The following HDAC9 variants were observed in gnomAD, a reference collection of about 807,000 sequenced individuals.
The protein encoded by HDAC9 is histone deacetylase 9.
HDAC9 carries 41 observed loss-of-function variants against 139.4 expected under a neutral mutation model. The ratio of observed to expected loss-of-function variants is 0.29; its 90% CI spans 0.23 to 0.38. The LOEUF (loss-of-function observed/expected upper bound fraction) is 0.38. HDAC9 is among the 10% of genes least tolerant of loss of function. HDAC9 has a pLI of 1.00. For synonymous variants in HDAC9, 517 were observed against 476.2 expected (o/e 1.09, Z -1.12); for missense variants, 1,147 against 1,297.0 (o/e 0.88, Z 1.78).
intron 25 of HDAC9, among the ~76,000 whole-genome samples, chr7:18,989,548 T>C (rs1480860827): frequency 2.4e-4 from 36 of 150,270 alleles, no homozygotes; most frequent in Admixed American, 5.3e-4. Flanking sequence ...TTGCTCTTCT[T>C]GAGGAGTATC....
intron 13 of HDAC9, among the ~76,000 whole-genome samples, chr7:18,739,177 GT>G (rs1323361743): frequency 2.6e-5 from 4 of 152,092 alleles, no homozygotes; most frequent in Admixed American, 2.6e-4. Context: ...TTTTTTCAAG[GT>G]TTTTAGCTTC....
At chr7:18,442,221 G>A (rs770451117) in intron 1 of HDAC9, among the ~76,000 whole-genome samples, 2 of 152,112 alleles carry the variant, frequency 1.3e-5, no homozygotes. Context: ...CATATTTACA[G>A]GATTTCTTTC....
At chr7:18,492,637 C>A (rs187288144), upstream of HDAC9, among the ~76,000 whole-genome samples, 2 of 151,868 alleles carry the variant, frequency 1.3e-5, no homozygotes, top group African/African-American at 4.8e-5. Flanking sequence ...TTTAAACTAC[C>A]CATCTACCTA....
At chr7:18,301,997 G>T (rs1798570292) in intron 1 of HDAC9, among the ~76,000 whole-genome samples, 1 of 152,130 alleles carries the variant, frequency 6.6e-6, no homozygotes. Context: ...AATGTTCAAT[G>T]ACTCTACTGC....
At chr7:18,229,673 T>C (rs552404673) in intron 2 of HDAC9, among the ~76,000 whole-genome samples, 1 of 152,266 alleles carries the variant, frequency 6.6e-6, no homozygotes, top group South Asian at 2.1e-4. Flanking sequence ...TTATAACTGA[T>C]CTGAAGGTAG....
chr7:18,554,004 C>T (rs956825315), intron 2 of HDAC9, among the ~76,000 whole-genome samples: 7 of 152,090 alleles, frequency 4.6e-5, no homozygotes, highest in Admixed American at 2.0e-4. Flanking sequence ...TGGAAATGTT[C>T]CACACATTGT....
At chr7:18,475,076 A>G (rs897205231) in intron 1 of HDAC9, among the ~76,000 whole-genome samples, 4 of 152,226 alleles carry the variant, frequency 2.6e-5, no homozygotes, top group Non-Finnish European at 4.4e-5. Flanking sequence ...TCAGGCTTCA[A>G]GCAAGGCCTG....
At chr7:18,960,215 A>G (rs1279778133) in intron 24 of HDAC9, among the ~76,000 whole-genome samples, 7 of 152,278 alleles carry the variant, frequency 4.6e-5, no homozygotes, top group Non-Finnish European at 7.4e-5. Flanking sequence ...CCAGCAATGC[A>G]CAGAGCACAC....
intron 12 of HDAC9, among the ~76,000 whole-genome samples, chr7:18,680,918 T>C (rs1781849997): frequency 6.6e-6 from 1 of 152,066 alleles, no homozygotes; most frequent in African/African-American, 2.4e-5. Context: ...GGCTTTGATT[T>C]TGTTTTACAA....
At chr7:18,728,157 TG>T (rs977886096) in intron 13 of HDAC9, among the ~76,000 whole-genome samples, 13 of 152,310 alleles carry the variant, frequency 8.5e-5, no homozygotes, top group South Asian at 4.1e-4. Context: ...TTTTTTTGTT[TG>T]TTTGTTTTAT....
At chr7:18,886,190 T>C (rs13438582) in intron 22 of HDAC9, among the ~76,000 whole-genome samples, 5,020 of 152,298 alleles carry the variant, frequency 0.033, 170 homozygotes, top group African/African-American at 0.088. Context: ...CCTTGCTCAA[T>C]TGCCTATTTC....
chr7:18,720,872 G>T (rs1318377411), intron 12 of HDAC9, among the ~76,000 whole-genome samples: 1 of 151,562 alleles, frequency 6.6e-6, no homozygotes, highest in East Asian at 1.9e-4. Context: ...ATAGAGATAG[G>T]GTCTCCCTAT....
At chr7:18,329,659 G>C (rs992067926) in intron 1 of HDAC9, among the ~76,000 whole-genome samples, 2 of 151,636 alleles carry the variant, frequency 1.3e-5, no homozygotes, top group East Asian at 3.9e-4. Context: ...TGATGTGCCT[G>C]TCAGGGGATC....
At chr7:18,532,832 T>C (rs888152613) in intron 2 of HDAC9, among the ~76,000 whole-genome samples, 4 of 149,200 alleles carry the variant, frequency 2.7e-5, no homozygotes, top group Admixed American at 6.7e-5. Context: ...TTTTTTTTTT[T>C]AACTTTAATA....
At chr7:18,319,155 A>C (rs1201591440) in intron 1 of HDAC9, among the ~76,000 whole-genome samples, 1 of 152,222 alleles carries the variant, frequency 6.6e-6, no homozygotes, top group Non-Finnish European at 1.5e-5. Context: ...GGTTGAAACA[A>C]AAACACTTCG....
intron 2 of HDAC9, among the ~76,000 whole-genome samples, chr7:18,282,812 G>C (rs1353755659): frequency 2.0e-5 from 3 of 151,962 alleles, no homozygotes; most frequent in Non-Finnish European, 4.4e-5. Flanking sequence ...AACAGAACTA[G>C]CTAGAGCCCA....
chr7:18,291,400 G>A (rs1032138610), intron 1 of HDAC9, among the ~76,000 whole-genome samples: 3 of 151,982 alleles, frequency 2.0e-5, no homozygotes, highest in Admixed American at 6.6e-5. Flanking sequence ...ACCTTTCTGT[G>A]TCTCAGTTTC....
intron 12 of HDAC9, among the ~76,000 whole-genome samples, chr7:18,686,757 G>A (rs933018988): frequency 1.3e-5 from 2 of 151,568 alleles, no homozygotes; most frequent in Non-Finnish European, 2.9e-5. Flanking sequence ...CCTCTTCTCC[G>A]TACATAGTTA....
intron 21 of HDAC9, among the ~76,000 whole-genome samples, chr7:18,862,898 T>A (rs1798221606): frequency 6.6e-6 from 1 of 152,208 alleles, no homozygotes; most frequent in South Asian, 2.1e-4. Flanking sequence ...CATATATATG[T>A]CACATTTTCT....
Sources: gnomAD v4.1 joint callset for allele counts (sites outside exome capture counted in the v4.1 genomes callset) on GRCh38, gnomAD v4.1.1 for gene constraint, MANE v1.5 for transcripts, NCBI Gene and HGNC (gene_info 2026-07-23, HGNC 2026-07-21) for gene names.